GRIK4: variants seen among roughly 807,000 people sequenced by gnomAD.
The protein encoded by GRIK4 is glutamate ionotropic receptor kainate type subunit 4, also known as glutamate receptor ionotropic, kainate 4.
A neutral mutation model predicts 104.9 loss-of-function variants in GRIK4; 40 were observed. That is an observed-to-expected ratio of 0.38 (90% CI 0.30 to 0.50). GRIK4 has a LOEUF of 0.50. GRIK4 is among the 20% of genes least tolerant of loss of function. GRIK4 has a pLI of 0.93. For synonymous variants in GRIK4, 485 were observed against 524.9 expected (o/e 0.92, Z 1.04); for missense variants, 1,047 against 1,308.1 (o/e 0.80, Z 3.08).
intron 3 of GRIK4, among the ~76,000 whole-genome samples, chr11:120,787,847 C>CTTCTTTTTTTTTTTTTTTTTT (rs1565352273): frequency 1.8e-5 from 1 of 55,578 alleles, no homozygotes; most frequent in African/African-American, 6.9e-5. Flanking sequence ...TTTTTCTTTT[C>CTTCTTTTTTTTTTTTTTTTTT]TTTTCTTTTT....
chr11:120,725,309 G>A (rs1310356620), intron 3 of GRIK4, among the ~76,000 whole-genome samples: 1 of 152,178 alleles, frequency 6.6e-6, no homozygotes, highest in Non-Finnish European at 1.5e-5. Context: ...TCATGTTCCA[G>A]AACTTGCTAT....
At chr11:120,526,158 C>G (rs1372252022) in intron 1 of GRIK4, among the ~76,000 whole-genome samples, 2 of 152,132 alleles carry the variant, frequency 1.3e-5, no homozygotes, top group African/African-American at 2.4e-5. Context: ...GATCTGAGAG[C>G]TAGTTCTGTG....
chr11:120,673,551 G>A (rs1453352537), intron 3 of GRIK4, among the ~76,000 whole-genome samples: 1 of 152,188 alleles, frequency 6.6e-6, no homozygotes, highest in African/African-American at 2.4e-5. Flanking sequence ...TTGACTGTTG[G>A]TCTTACCTTG....
intron 3 of GRIK4, among the ~76,000 whole-genome samples, chr11:120,768,028 A>C (rs1951869652): frequency 6.8e-6 from 1 of 147,690 alleles, no homozygotes; most frequent in Admixed American, 6.7e-5. Flanking sequence ...TTGGATATTA[A>C]GGGTTTTTTT....
At chr11:120,771,029 T>C (rs1212960237) in intron 3 of GRIK4, among the ~76,000 whole-genome samples, 1 of 152,170 alleles carries the variant, frequency 6.6e-6, no homozygotes, top group Admixed American at 6.6e-5. Flanking sequence ...AGGGTGCTGC[T>C]CTAACAAATA....
chr11:120,962,565 A>G lies in GRIK4; in HGVS notation c.2150A>G (p.Asn717Ser), dbSNP rs779725288. 3 of 1,613,970 alleles carry G rather than the reference A, an allele frequency of 1.9e-6. No homozygotes were observed. Among genetic ancestry groups the G allele is most frequent in the South Asian group, 2.2e-5 (2 of 91,086 alleles). The change falls in exon 18 of 21, where the codon AAC becomes AGC. Residue 717 changes from asparagine (N) to serine (S), a missense_variant. By Grantham distance (46) the Asn-to-Ser change is conservative. This residue lies in a region of GRIK4 where 440 missense variants were observed against 652.3 expected (regional missense o/e 0.67). Transcript: ENST00000527524. Reference sequence around the variant, plus strand: ...GGAATCGCCAGGGTGTTGAATTCCAACTACGCCTTCCTCCTGGAATCCACC... The same window carrying G: ...GGAATCGCCAGGGTGTTGAATTCCAGCTACGCCTTCCTCCTGGAATCCACC... Reference protein sequence around the residue: ...EEGIARVLNSNYAFLLESTMN... With the variant: ...EEGIARVLNSSYAFLLESTMN...
chr11:120,814,984 G>A (rs1430541241), intron 4 of GRIK4, among the ~76,000 whole-genome samples: 3 of 152,190 alleles, frequency 2.0e-5, no homozygotes, highest in Non-Finnish European at 4.4e-5. Context: ...ATATTTGGGG[G>A]GACTAATGCA....
chr11:120,830,847 TC>T (rs893074100), intron 6 of GRIK4, among the ~76,000 whole-genome samples: 1 of 152,082 alleles, frequency 6.6e-6, no homozygotes, highest in Non-Finnish European at 1.5e-5. Context: ...ACACTCTGCC[TC>T]CTGCACCCCC....
rs1339015900 is a variant in GRIK4, at chr11:120,861,946, T to G, written c.745-13T>G. ...CTAACTACATTCTTATTTCTGATGC[T>G]GGGTCTTTCCAGGAGTTCTCACTCC... On this transcript the variant is annotated splice_polypyrimidine_tract_variant and intron_variant, in intron 8 of 20. Transcript: ENST00000527524. 3 of 1,606,122 alleles carry G rather than the reference T, an allele frequency of 1.9e-6. No homozygotes were observed. The African/African-American group carries it at 4.0e-5, about 21-fold the overall frequency.
At chr11:120,814,536 G>A (rs1366259387) in intron 4 of GRIK4, among the ~76,000 whole-genome samples, 1 of 152,208 alleles carries the variant, frequency 6.6e-6, no homozygotes, top group Non-Finnish European at 1.5e-5. Context: ...GGAGGTTGCA[G>A]TGAGCCGAGA....
chr11:120,695,716 A>G (rs1012001418), intron 3 of GRIK4, among the ~76,000 whole-genome samples: 13 of 152,038 alleles, frequency 8.6e-5, no homozygotes, highest in African/African-American at 2.9e-4. Context: ...TGACACCCCT[A>G]TGACCAAGGT....
chr11:120,847,691 A>T (rs1953882559), intron 8 of GRIK4, among the ~76,000 whole-genome samples: 3 of 152,230 alleles, frequency 2.0e-5, no homozygotes, highest in African/African-American at 7.2e-5. Context: ...AACCTTTCAG[A>T]ACTTTCATAT....
At chr11:120,722,539 C>T (rs1291630698) in intron 3 of GRIK4, among the ~76,000 whole-genome samples, 5 of 151,716 alleles carry the variant, frequency 3.3e-5, no homozygotes. Context: ...ACCCAGGAAG[C>T]GGAGGTTGCA....
chr11:120,720,921 G>T (rs1477659170), intron 3 of GRIK4, among the ~76,000 whole-genome samples: 2 of 152,202 alleles, frequency 1.3e-5, no homozygotes, highest in East Asian at 3.9e-4. Flanking sequence ...AAGAGAGAGG[G>T]ACAAGAAGTT....
chr11:120,945,417 C>T (rs1322915743), intron 14 of GRIK4, among the ~76,000 whole-genome samples: 1 of 152,164 alleles, frequency 6.6e-6, no homozygotes, highest in Admixed American at 6.5e-5. Flanking sequence ...TCTTGTCAGA[C>T]CATAGATTTT....
chr11:120,642,356 C>G lies in GRIK4; in HGVS notation c.-158-11329C>G, dbSNP rs138567162. Among the ~76,000 whole-genome samples the G allele has an allele frequency of 4.1e-3, 631 of 152,208 alleles. 5 individuals are homozygous for G. The highest frequency in any genetic ancestry group is 0.015 in the African/African-American group (621 of 41,542). ...CTGTAAGGGAAAAAACAAAACAAAA[C>G]AGGTCACTGAGCCAGTACTATCACG... On this transcript the variant is annotated intron_variant, in intron 1 of 20. Coordinates refer to ENST00000527524, the MANE Select transcript of GRIK4 (RefSeq NM_014619.5).
chr11:120,664,368 A>G (rs11217943), intron 3 of GRIK4, among the ~76,000 whole-genome samples: 10,365 of 152,276 alleles, frequency 0.068, 1,141 homozygotes, highest in African/African-American at 0.23. Context: ...AATTAACTCA[A>G]CAAATATTTA....
chr11:120,787,283 C>T (rs1329232899), intron 3 of GRIK4, among the ~76,000 whole-genome samples: 3 of 151,856 alleles, frequency 2.0e-5, no homozygotes, highest in South Asian at 2.1e-4. Flanking sequence ...GAGCCAAGAT[C>T]GCACCACTGC....
intron 4 of GRIK4, among the ~76,000 whole-genome samples, chr11:120,807,495 G>A (rs947751261): frequency 2.0e-5 from 3 of 152,112 alleles, no homozygotes; most frequent in African/African-American, 7.2e-5. Flanking sequence ...TCCAGTGCCC[G>A]GCGCGTAGCG....
Sources: allele counts gnomAD v4.1 joint callset (sites outside exome capture counted in the v4.1 genomes callset), GRCh38; gene constraint gnomAD v4.1.1; regional missense constraint gnomAD v4.1.1; transcripts MANE v1.5; gene names NCBI Gene and HGNC (gene_info 2026-07-23, HGNC 2026-07-21).